IKZF2: variants seen among roughly 807,000 people sequenced by gnomAD.
The protein encoded by IKZF2 is IKAROS family zinc finger 2.
IKZF2 carries 15 observed loss-of-function variants against 49.2 expected under a neutral mutation model. The ratio of observed to expected loss-of-function variants is 0.30; its 90% CI spans 0.20 to 0.47. IKZF2 has a LOEUF of 0.47. Ranked by LOEUF, IKZF2 falls within the 20% of genes least tolerant of loss-of-function variation. The pLI is 1.00. For missense variants in IKZF2, 567 were observed against 664.6 expected, an observed-to-expected ratio of 0.85 and a Z score of 1.61; for synonymous variants, 227 against 221.4, an observed-to-expected ratio of 1.03 and a Z score of -0.23.
At chr2:213,145,417 T>C (rs2061019781) in intron 4 of IKZF2, among the ~76,000 whole-genome samples, 2 of 151,994 alleles carry the variant, frequency 1.3e-5, no homozygotes, top group African/African-American at 4.8e-5. Context: ...GTTCTTTTCA[T>C]TAAACAAAGT....
intron 8 of IKZF2, 46 bp from the exon 9 acceptor site, chr2:213,008,130 A>G (rs1695551380): frequency 1.1e-6 from 1 of 928,962 alleles, no homozygotes. Flanking sequence ...AAAAAAAAAT[A>G]CAACAACATT....
intron 4 of IKZF2, among the ~76,000 whole-genome samples, chr2:213,091,901 CGTGT>C (rs763667949): frequency 4.8e-5 from 7 of 145,710 alleles, no homozygotes; most frequent in Non-Finnish European, 1.1e-4. Context: ...TGTGTGTGTG[CGTGT>C]GTGTGTGTGT....
chr2:213,114,063 T>C (rs972112893), intron 4 of IKZF2, among the ~76,000 whole-genome samples: 1 of 152,186 alleles, frequency 6.6e-6, no homozygotes, highest in African/African-American at 2.4e-5. Context: ...ATCTCTAACA[T>C]TGACACCCAA....
chr2:213,134,227 C>A (rs1257443028), intron 4 of IKZF2, among the ~76,000 whole-genome samples: 1 of 152,194 alleles, frequency 6.6e-6, no homozygotes, highest in African/African-American at 2.4e-5. Context: ...AACCTCATCT[C>A]ATCTGCTCAA....
chr2:213,092,692 C>A (rs1302604338), intron 4 of IKZF2, among the ~76,000 whole-genome samples: 1 of 152,170 alleles, frequency 6.6e-6, no homozygotes, highest in Non-Finnish European at 1.5e-5. Flanking sequence ...GTACTAACTA[C>A]ACTGATGACA....
intron 4 of IKZF2, among the ~76,000 whole-genome samples, chr2:213,061,566 T>A (rs974145605): frequency 2.0e-5 from 3 of 151,426 alleles, no homozygotes; most frequent in Non-Finnish European, 4.4e-5. Flanking sequence ...CAACAGTCAT[T>A]ACATACATTT....
At chr2:213,041,339 T>TGGGG (rs112857321) in intron 6 of IKZF2, among the ~76,000 whole-genome samples, 1 of 132,962 alleles carries the variant, frequency 7.5e-6, no homozygotes, top group Non-Finnish European at 1.7e-5. Flanking sequence ...AATCTTTTTT[T>TGGGG]GGGGGGGGTG....
chr2:213,099,150 T>A (rs1706344840), intron 4 of IKZF2, among the ~76,000 whole-genome samples: 1 of 152,150 alleles, frequency 6.6e-6, no homozygotes, highest in Admixed American at 6.6e-5. Flanking sequence ...CATATACTGA[T>A]GAAGATCTGA....
chr2:213,135,202 G>C (rs2060613777), intron 4 of IKZF2, among the ~76,000 whole-genome samples: 2 of 152,148 alleles, frequency 1.3e-5, no homozygotes, highest in African/African-American at 4.8e-5. Context: ...ATGCAAGATA[G>C]AATTGAAAAT....
intron 5 of IKZF2, among the ~76,000 whole-genome samples, chr2:213,053,122 AT>A (rs1448982484): frequency 6.6e-6 from 1 of 152,150 alleles, no homozygotes; most frequent in Non-Finnish European, 1.5e-5. Flanking sequence ...TACTAACTAC[AT>A]TAATGGAGCA....
chr2:213,030,566 T>TA (rs1007053981), intron 6 of IKZF2, among the ~76,000 whole-genome samples: 8 of 152,126 alleles, frequency 5.3e-5, no homozygotes, highest in Non-Finnish European at 1.2e-4. Flanking sequence ...GCAGATTTCT[T>TA]AGAGATTTAC....
intron 6 of IKZF2, among the ~76,000 whole-genome samples, chr2:213,040,857 C>T (rs1699561609): frequency 6.6e-6 from 1 of 152,202 alleles, no homozygotes; most frequent in African/African-American, 2.4e-5. Flanking sequence ...GTGGCTCACG[C>T]CTGTAATCCC....
intron 7 of IKZF2, among the ~76,000 whole-genome samples, chr2:213,017,476 C>T (rs75195976): frequency 6.6e-6 from 1 of 152,174 alleles, no homozygotes; most frequent in Non-Finnish European, 1.5e-5. Context: ...TACTAATTAC[C>T]ATATCACTGA....
chr2:213,048,670 ATTAAT>A (rs1200917416), intron 6 of IKZF2, among the ~76,000 whole-genome samples: 1 of 152,224 alleles, frequency 6.6e-6, no homozygotes. Context: ...TCGTGTTTGC[ATTAAT>A]TTAATTTTTT....
chr2:213,142,753 T>C (rs142104335), intron 4 of IKZF2, among the ~76,000 whole-genome samples: 1 of 152,090 alleles, frequency 6.6e-6, no homozygotes, highest in African/African-American at 2.4e-5. Context: ...GCCTCAGTTT[T>C]AAGTGTTATA....
At chr2:213,025,248 T>C (rs796153034) in intron 6 of IKZF2, among the ~76,000 whole-genome samples, 6 of 152,192 alleles carry the variant, frequency 3.9e-5, no homozygotes, top group Middle Eastern at 6.3e-3. Context: ...CCTTCAGATA[T>C]TGTTCTCAGT....
chr2:213,077,558 A>G (rs931884403), intron 4 of IKZF2, among the ~76,000 whole-genome samples: 4 of 144,360 alleles, frequency 2.8e-5, no homozygotes, highest in Admixed American at 6.8e-5. Flanking sequence ...TTGGGCTTCC[A>G]GTTCTGATAC....
chr2:213,072,089 T>C (rs538332493), intron 4 of IKZF2, among the ~76,000 whole-genome samples: 3 of 152,230 alleles, frequency 2.0e-5, no homozygotes, highest in Non-Finnish European at 2.9e-5. Context: ...TTTCACTATG[T>C]TGCCATATTA....
chr2:213,039,301 G>A (rs1574583655), intron 6 of IKZF2, among the ~76,000 whole-genome samples: 1 of 151,656 alleles, frequency 6.6e-6, no homozygotes, highest in Non-Finnish European at 1.5e-5. Flanking sequence ...CTATTTTTGT[G>A]GATAAAATAT....
Sources: gnomAD v4.1 joint callset for allele counts (sites outside exome capture counted in the v4.1 genomes callset) on GRCh38, gnomAD v4.1.1 for gene constraint, MANE v1.5 for transcripts, NCBI Gene and HGNC (gene_info 2026-07-23, HGNC 2026-07-21) for gene names.